The following PPP2R2C variants were observed in gnomAD, a reference collection of about 807,000 sequenced individuals.
PPP2R2C encodes the protein protein phosphatase 2 regulatory subunit Bgamma, also known as protein phosphatase 2, regulatory subunit B, gamma.
A neutral mutation model predicts 45.3 loss-of-function variants in PPP2R2C; 10 were observed. That is an observed-to-expected ratio of 0.22 (90% CI 0.14 to 0.37). PPP2R2C has a LOEUF of 0.37. PPP2R2C is among the 10% of genes least tolerant of loss of function. PPP2R2C has a pLI of 1.00. For synonymous variants in PPP2R2C, 257 were observed against 245.4 expected (o/e 1.05, Z -0.44); for missense variants, 308 against 619.7 (o/e 0.50, Z 5.34).
intron 1 of PPP2R2C, among the ~76,000 whole-genome samples, chr4:6,409,250 T>C (rs1160542513): frequency 6.6e-6 from 1 of 152,174 alleles, no homozygotes; most frequent in African/African-American, 2.4e-5. Flanking sequence ...TACAAATAAA[T>C]ATATCTTATG....
At chr4:6,387,702 A>G (rs962704235) in intron 1 of PPP2R2C, among the ~76,000 whole-genome samples, 3 of 151,924 alleles carry the variant, frequency 2.0e-5, no homozygotes, top group African/African-American at 7.3e-5. Context: ...AATCCCAGCT[A>G]TCTGGGAGGC....
chr4:6,476,375 G>A (rs956144336), upstream of PPP2R2C, among the ~76,000 whole-genome samples: 1 of 152,186 alleles, frequency 6.6e-6, no homozygotes, highest in Non-Finnish European at 1.5e-5. Flanking sequence ...GGGTCTTTGA[G>A]AGGTGATTAG....
At chr4:6,557,237 G>C (rs1388836452) in intron 1 of PPP2R2C, among the ~76,000 whole-genome samples, 4 of 152,150 alleles carry the variant, frequency 2.6e-5, no homozygotes, top group Non-Finnish European at 5.9e-5. Context: ...AAGAATATTT[G>C]AACCACTCAT....
At chr4:6,377,792 G>T (rs993539826) in intron 3 of PPP2R2C, among the ~76,000 whole-genome samples, 1 of 152,284 alleles carries the variant, frequency 6.6e-6, no homozygotes, top group Non-Finnish European at 1.5e-5. Flanking sequence ...GAGCCAAGCA[G>T]GACAGCCCCA....
rs1732188995 is a variant in PPP2R2C at position 6,329,106 on chromosome 4, G to C, written c.1052+156C>G. On this transcript the variant is annotated intron_variant, in intron 8 of 8. Transcript: ENST00000382599. This position sits in a 1 kb window ranked among gnomAD's most constrained non-coding sequence, Gnocchi z 5.8. ...CCTTGAATCTGAGCGCTGAGAGTTG[G>C]ACCTGCTCTGGAAAGCGTGGGCTTC... Among the ~76,000 whole-genome samples the C allele has an allele frequency of 6.6e-6, 1 of 152,182 alleles. No homozygotes were observed. Among genetic ancestry groups the C allele is most frequent in the South Asian group, 2.1e-4 (1 of 4,830 alleles).
intron 1 of PPP2R2C, among the ~76,000 whole-genome samples, chr4:6,400,022 A>G (rs1717309434): frequency 6.6e-6 from 1 of 152,232 alleles, no homozygotes; most frequent in Non-Finnish European, 1.5e-5. Flanking sequence ...ATGTGAATGC[A>G]TTGAAGTCTC....
chr4:6,506,114 C>A (rs4689469), intron 2 of PPP2R2C, among the ~76,000 whole-genome samples: 49,756 of 152,028 alleles, frequency 0.33, 9,258 homozygotes, highest in East Asian at 0.74. Context: ...CTCACATGAC[C>A]TTCTAAAATA....
At chr4:6,497,301 C>G (rs1413352477) in intron 2 of PPP2R2C, among the ~76,000 whole-genome samples, 1 of 152,104 alleles carries the variant, frequency 6.6e-6, no homozygotes. Flanking sequence ...TGTCACAATA[C>G]TTAAGGCCGT....
At chr4:6,438,576 GAATT>G (rs1720003279) in intron 1 of PPP2R2C, among the ~76,000 whole-genome samples, 1 of 152,146 alleles carries the variant, frequency 6.6e-6, no homozygotes, top group Admixed American at 6.5e-5. Context: ...TCTTTAACAG[GAATT>G]AATATGTTTT....
At chr4:6,334,270 T>C (rs1466925253) in intron 6 of PPP2R2C, among the ~76,000 whole-genome samples, 1 of 151,910 alleles carries the variant, frequency 6.6e-6, no homozygotes, top group East Asian at 1.9e-4. Flanking sequence ...TGCCATGGGG[T>C]TTGTAACAAA....
At chr4:6,508,217 G>A (rs568137567) in intron 2 of PPP2R2C, among the ~76,000 whole-genome samples, 8 of 152,176 alleles carry the variant, frequency 5.3e-5, no homozygotes, top group East Asian at 1.9e-4. Flanking sequence ...ATGGTCAGGC[G>A]GTTATTAAAC....
In PPP2R2C at chr4:6,393,442, C is replaced by A. The variant is rs74996696; in HGVS notation, c.71-12348G>T. Among the ~76,000 whole-genome samples, 679 of 152,348 alleles carry A rather than the reference C, an allele frequency of 4.5e-3. 5 individuals carry two copies. The highest frequency in any genetic ancestry group is 0.016 in the African/African-American group (659 of 41,576). On this transcript the variant is annotated intron_variant, in intron 1 of 8. Transcript: ENST00000382599. Reference sequence around the variant, plus strand: ...ATCAGTACATCATTCCTTTTCCAGGCTGAAATAATAATTCCATTTTAATCA... The same window carrying A: ...ATCAGTACATCATTCCTTTTCCAGGATGAAATAATAATTCCATTTTAATCA...
At chr4:6,455,849 T>C (rs557546015) in intron 1 of PPP2R2C, among the ~76,000 whole-genome samples, 17 of 152,270 alleles carry the variant, frequency 1.1e-4, no homozygotes, top group African/African-American at 4.1e-4. Context: ...TGCTGCCTAC[T>C]GCTGTGGACC....
intron 2 of PPP2R2C, among the ~76,000 whole-genome samples, chr4:6,512,396 T>C (rs1308017066): frequency 8.8e-6 from 1 of 113,222 alleles, no homozygotes; most frequent in Non-Finnish European, 2.0e-5. Flanking sequence ...GTGATGGTGG[T>C]GGTGGTGATG....
At chr4:6,523,179 A>C (rs945766426) in intron 2 of PPP2R2C, among the ~76,000 whole-genome samples, 3 of 152,224 alleles carry the variant, frequency 2.0e-5, no homozygotes, top group Non-Finnish European at 4.4e-5. Context: ...AGGGGCAAGA[A>C]ATCCAGGATG....
chr4:6,527,504 A>G (rs1246684386), intron 2 of PPP2R2C, among the ~76,000 whole-genome samples: 1 of 98,208 alleles, frequency 1.0e-5, no homozygotes, highest in Non-Finnish European at 2.0e-5. Flanking sequence ...GCCCCAACCA[A>G]CATGTGCCAT....
At chr4:6,403,325 G>A (rs1174831678) in intron 1 of PPP2R2C, among the ~76,000 whole-genome samples, 1 of 152,162 alleles carries the variant, frequency 6.6e-6, no homozygotes, top group Non-Finnish European at 1.5e-5. Context: ...CTTAGAAACT[G>A]GTTTGGCAAC....
At chr4:6,532,448 G>A (rs888385504) in intron 2 of PPP2R2C, among the ~76,000 whole-genome samples, 15 of 152,188 alleles carry the variant, frequency 9.9e-5, no homozygotes, top group African/African-American at 3.6e-4. Context: ...CCCATTTTGG[G>A]CCAGGCCTTC....
chr4:6,326,401 G>A (rs1434111769), intron 8 of PPP2R2C, among the ~76,000 whole-genome samples: 5 of 152,106 alleles, frequency 3.3e-5, no homozygotes, highest in Non-Finnish European at 7.4e-5. Flanking sequence ...TTTGACTCCC[G>A]CACCCGAGCA....
Sources: allele counts gnomAD v4.1 joint callset (sites outside exome capture counted in the v4.1 genomes callset), GRCh38; gene constraint gnomAD v4.1.1; non-coding constraint Gnocchi (gnomAD v3.1); transcripts MANE v1.5; gene names NCBI Gene and HGNC (gene_info 2026-07-23, HGNC 2026-07-21).